FSTL5: variants seen among roughly 807,000 people sequenced by gnomAD.
FSTL5 encodes the protein follistatin like 5, also known as follistatin-related protein 5.
A neutral mutation model predicts 89.1 loss-of-function variants in FSTL5; 62 were observed. The observed-to-expected ratio is 0.70, with a 90% CI of 0.57 to 0.86. The LOEUF (loss-of-function observed/expected upper bound fraction) is 0.86, where lower values mean the gene tolerates loss of function less well. FSTL5 is among the 40% of genes least tolerant of loss of function. The pLI, the probability that FSTL5 is intolerant of heterozygous loss-of-function variation, is 0.00. For synonymous variants in FSTL5, 383 were observed against 346.2 expected (o/e 1.11, Z -1.18); for missense variants, 1,057 against 1,001.6 (o/e 1.06, Z -0.75).
chr4:161,807,196 TACACACAC>T (rs10561299), intron 4 of FSTL5, among the ~76,000 whole-genome samples: 42 of 146,604 alleles, frequency 2.9e-4, no homozygotes, highest in South Asian at 1.5e-3. Context: ...CACATGAGAA[TACACACAC>T]ACACACACAC....
chr4:162,044,776 CTT>C (rs906166498), intron 2 of FSTL5, among the ~76,000 whole-genome samples: 6 of 152,192 alleles, frequency 3.9e-5, no homozygotes, highest in Non-Finnish European at 7.3e-5. Context: ...GCCTTGCACT[CTT>C]ATATTATAGA....
intron 15 of FSTL5, among the ~76,000 whole-genome samples, chr4:161,405,766 A>G (rs1731355435): frequency 6.6e-6 from 1 of 152,198 alleles, no homozygotes. Flanking sequence ...TGTTAAAGAC[A>G]AAGAGAGAAT....
intron 2 of FSTL5, among the ~76,000 whole-genome samples, chr4:162,092,820 G>A (rs145052698): frequency 2.6e-4 from 40 of 151,390 alleles, no homozygotes; most frequent in African/African-American, 8.5e-4. Context: ...GTGGTGGTGC[G>A]CACCTGTTAT....
At chr4:161,707,558 C>G (rs1256155530) in intron 6 of FSTL5, among the ~76,000 whole-genome samples, 1 of 151,854 alleles carries the variant, frequency 6.6e-6, no homozygotes, top group African/African-American at 2.4e-5. Context: ...ACAAAGCTTA[C>G]TAATGAAAAT....
At chr4:161,527,908 A>G (rs1731281921) in intron 10 of FSTL5, among the ~76,000 whole-genome samples, 1 of 149,838 alleles carries the variant, frequency 6.7e-6, no homozygotes, top group African/African-American at 2.5e-5. Flanking sequence ...ATGTCCAACA[A>G]TGATAGACTG....
intron 15 of FSTL5, among the ~76,000 whole-genome samples, chr4:161,454,591 C>A (rs887117942): frequency 6.6e-5 from 10 of 152,126 alleles, no homozygotes; most frequent in African/African-American, 2.4e-4. Flanking sequence ...GAATATATTT[C>A]TATGACTGTG....
intron 4 of FSTL5, among the ~76,000 whole-genome samples, chr4:161,791,920 C>T (rs992063230): frequency 5.3e-5 from 8 of 152,186 alleles, no homozygotes; most frequent in South Asian, 2.1e-4. Context: ...CGGGGCTGCG[C>T]GCTCCGCAGA....
chr4:161,897,855 T>A (rs1455994705), intron 4 of FSTL5, among the ~76,000 whole-genome samples: 1 of 151,350 alleles, frequency 6.6e-6, no homozygotes, highest in Non-Finnish European at 1.5e-5. Flanking sequence ...TTCAGGTCCC[T>A]AACACTACTC....
At chr4:161,426,576 A>G (rs752003163) in intron 15 of FSTL5, among the ~76,000 whole-genome samples, 4 of 152,168 alleles carry the variant, frequency 2.6e-5, no homozygotes, top group Non-Finnish European at 4.4e-5. Context: ...GCTCGAGGGA[A>G]CAAATCATCT....
intron 4 of FSTL5, among the ~76,000 whole-genome samples, chr4:161,801,447 C>A (rs571012715): frequency 2.6e-4 from 39 of 151,478 alleles, no homozygotes; most frequent in Admixed American, 7.9e-4. Context: ...AAAGAAAAAC[C>A]TCCTTAGAGA....
At chr4:161,906,650 A>G (rs185381558) in intron 4 of FSTL5, among the ~76,000 whole-genome samples, 5 of 152,236 alleles carry the variant, frequency 3.3e-5, no homozygotes, top group Non-Finnish European at 1.5e-5. Context: ...GGATTTGCCT[A>G]TGAATAACAA....
intron 12 of FSTL5, among the ~76,000 whole-genome samples, chr4:161,482,893 T>C: frequency 6.6e-6 from 1 of 151,290 alleles, no homozygotes; most frequent in African/African-American, 2.5e-5. Flanking sequence ...AACAATAGTG[T>C]TCTCTTCTAA....
chr4:161,710,472 A>G (rs1028911356), intron 6 of FSTL5, among the ~76,000 whole-genome samples: 6 of 152,128 alleles, frequency 3.9e-5, no homozygotes, highest in South Asian at 2.1e-4. Context: ...GCATGTTCAA[A>G]TGTTCTAAAC....
chr4:162,013,698 T>C (rs1439084194), intron 3 of FSTL5, among the ~76,000 whole-genome samples: 1 of 152,162 alleles, frequency 6.6e-6, no homozygotes, highest in Non-Finnish European at 1.5e-5. Context: ...GCAATATTAG[T>C]AACCCAGTCT....
chr4:161,992,470 G>A (rs78077896), intron 3 of FSTL5, among the ~76,000 whole-genome samples: 7,916 of 152,096 alleles, frequency 0.052, 258 homozygotes, highest in Non-Finnish European at 0.077. Flanking sequence ...GAAGGAAGGA[G>A]TAACCATTAA....
At chr4:161,490,230 G>A (rs989477530) in intron 12 of FSTL5, among the ~76,000 whole-genome samples, 1 of 152,064 alleles carries the variant, frequency 6.6e-6, no homozygotes, top group Non-Finnish European at 1.5e-5. Context: ...CATACAGTTT[G>A]AAGATGGAAC....
chr4:162,013,090 A>G (rs1175035446), intron 3 of FSTL5, among the ~76,000 whole-genome samples: 1 of 152,106 alleles, frequency 6.6e-6, no homozygotes, highest in African/African-American at 2.4e-5. Context: ...AGGCTGAGGC[A>G]GAAGAATTGC....
intron 7 of FSTL5, among the ~76,000 whole-genome samples, chr4:161,635,311 C>A (rs933853946): frequency 6.6e-6 from 1 of 152,140 alleles, no homozygotes; most frequent in Admixed American, 6.6e-5. Context: ...TTGCTTTAAC[C>A]TGGGAGGCGG....
chr4:161,642,035 TACAAAG>T (rs1160613241), intron 7 of FSTL5, among the ~76,000 whole-genome samples: 2 of 152,162 alleles, frequency 1.3e-5, no homozygotes, highest in African/African-American at 2.4e-5. Context: ...ATTTCAACTT[TACAAAG>T]ACATAGTTAA....
Sources: gnomAD v4.1 joint callset for allele counts (sites outside exome capture counted in the v4.1 genomes callset) on GRCh38, gnomAD v4.1.1 for gene constraint, MANE v1.5 for transcripts, NCBI Gene and HGNC (gene_info 2026-07-23, HGNC 2026-07-21) for gene names.